Variants in EIF2B4 observed in about 807,000 individuals in gnomAD.
EIF2B4 encodes the protein eukaryotic translation initiation factor 2B subunit delta.
In EIF2B4, 34 loss-of-function variants were observed where a neutral mutation model predicts 66.7. The ratio of observed to expected loss-of-function variants is 0.51; its 90% confidence interval spans 0.39 to 0.68. EIF2B4 has a LOEUF of 0.68. Among genes scored for constraint, EIF2B4 ranks in the 30% least tolerant of loss-of-function variants. The pLI is 0.00. For synonymous variants in EIF2B4, 278 were observed against 253.6 expected (o/e 1.10, Z -0.92); for missense variants, 618 against 657.9 (o/e 0.94, Z 0.66).
At chr2:27,367,951 C>G in intron 7 of EIF2B4, 74 bp downstream of exon 7, 1 of 1,486,170 alleles carries the variant, frequency 6.7e-7, no homozygotes, top group South Asian at 1.2e-5. Flanking sequence ...CAGAGATGAC[C>G]TTGGGTGACA....
At chr2:27,366,468 G>GACA in intron 11 of EIF2B4, 1 of 436,204 alleles carries the variant, frequency 2.3e-6, no homozygotes, top group South Asian at 2.2e-5. Context: ...GGAACTGCTT[G>GACA]AGCCCAGGAG....
chr2:27,367,630 A>T lies in EIF2B4; in HGVS notation c.783-71T>A. On this transcript the variant is annotated intron_variant, in intron 8 of 12. Transcript: ENST00000347454. ...CTTACAAAGCCTTCACATTTAAAAA[A>T]AAAGTCTTTAAAAAGAAAATAGAAC... 3 of 1,597,074 alleles carry T rather than the reference A, an allele frequency of 1.9e-6. No homozygotes were observed. In the South Asian group the frequency reaches 3.3e-5, roughly 18 times the overall value.
intron 11 of EIF2B4, chr2:27,366,291 T>C (rs1233799277): frequency 3.9e-6 from 1 of 253,416 alleles, no homozygotes; most frequent in African/African-American, 2.3e-5. Context: ...AGCAGGCTGG[T>C]CTTGAACTCC....
At chr2:27,368,971 G>A (rs773813808) in intron 4 of EIF2B4, 35 bp downstream of exon 4, 2 of 1,612,418 alleles carry the variant, frequency 1.2e-6, no homozygotes, top group Admixed American at 3.3e-5. Context: ...GTTATAATTA[G>A]GAGTAAGGGA....
In EIF2B4 at chr2:27,369,796, T is replaced by TGG. The variant is rs111468784; in HGVS notation, c.75+78_75+79dup. The TGG allele has an allele frequency of 1.5e-4, 221 of 1,502,362 alleles. 2 individuals carry two copies. In the African/African-American group the frequency reaches 2.5e-3, roughly 17 times the overall value. The allele number at this position is 1,502,362 out of a possible 1,614,324, so 93.1% of individuals were successfully genotyped here. ...TACTGAGAAATAAACCGACACGGGA[T>TGG]GGGAGCTGGGGCGGAATAAAGCTGG... On this transcript the variant is annotated intron_variant, in intron 2 of 12. Transcript: ENST00000347454.
chr2:27,369,964 G>A lies in EIF2B4; in HGVS notation c.32-45C>T, dbSNP rs1012898077. On this transcript the variant is annotated intron_variant, in intron 1 of 12. Coordinates refer to ENST00000347454, the MANE Select transcript of EIF2B4 (RefSeq NM_001034116.2). ...ACAAAGTGAGCCAGAGAGACTCCGG[G>A]AGGGTTTGGGGGCACGAGTACTCGG... 7 of 1,556,100 alleles carry A rather than the reference G, an allele frequency of 4.5e-6. No individual in the cohort carries two copies. The African/African-American group carries it at 6.8e-5, about 15-fold the overall frequency.
intron 9 of EIF2B4, 68 bp downstream of exon 9, chr2:27,367,389 G>A (rs1681938542): frequency 1.9e-6 from 3 of 1,603,690 alleles, no homozygotes; most frequent in Non-Finnish European, 1.7e-6. Flanking sequence ...GGCCTTCCCG[G>A]GAGTTTTTAA....
chr2:27,364,930 G>A, intron 11 of EIF2B4, 32 bp from the exon 12 acceptor site: 1 of 1,607,304 alleles, frequency 6.2e-7, no homozygotes, highest in Non-Finnish European at 8.5e-7. Flanking sequence ...AGAAAAAAAT[G>A]TCATTGTTGT....
chr2:27,367,708 T>C, intron 8 of EIF2B4, 38 bp downstream of exon 8: 2 of 1,594,898 alleles, frequency 1.3e-6, no homozygotes, highest in Middle Eastern at 1.7e-4. Flanking sequence ...AGACAAAGAT[T>C]GGGCGAGCTG....
At chr2:27,367,714 A>T (rs762390112) in intron 8 of EIF2B4, 32 bp downstream of exon 8, 6 of 1,598,642 alleles carry the variant, frequency 3.8e-6, no homozygotes, top group Middle Eastern at 1.7e-4. Context: ...AGATTGGGCG[A>T]GCTGGGAGTG....
intron 11 of EIF2B4, 40 bp downstream of exon 11, chr2:27,366,719 T>C (rs370347329): frequency 6.2e-7 from 1 of 1,612,372 alleles, no homozygotes; most frequent in Non-Finnish European, 8.5e-7. Context: ...TACTACACCT[T>C]TTCACCGCCA....
intron 6 of EIF2B4, 52 bp from the exon 7 acceptor site, chr2:27,368,191 G>A (rs1342388439): frequency 1.4e-6 from 2 of 1,438,064 alleles, no homozygotes; most frequent in African/African-American, 1.4e-5. Context: ...AGCATCTACT[G>A]CCCACCTGCC....
In EIF2B4 at chr2:27,364,467, G is replaced by C; in HGVS notation, c.1505C>G (p.Thr502Arg). The change falls in exon 13 of 13, where the codon ACG becomes AGG. Residue 502 changes from threonine to arginine, a missense_variant. By Grantham distance (71) the Thr-to-Arg change is moderately conservative (BLOSUM62 -1). This residue lies in a region of EIF2B4 where 13 missense variants were observed against 33.0 expected (regional missense o/e 0.39). Transcript: ENST00000347454. ...ACTGCAAGGGATCATCCCCAGCTCC[G>C]TGATCACCAGATCCACAAGCTCTGG... ...TPPELVDLVI[T>R]ELGMIPCSSV... 1.2e-6 allele frequency: 2 copies of C among 1,614,128 alleles called. No individual in the cohort carries two copies. The highest frequency in any genetic ancestry group is 1.7e-6 in the Non-Finnish European group (2 of 1,180,028).
At position 27,364,874 on chromosome 2, in the gene EIF2B4, G is replaced by C; in HGVS notation, c.1216C>G (p.His406Asp). Reference sequence around the variant, plus strand: ...ACAGACCCGTTGGCCAAGAGTGCATGAGCTCCCAATAGCACCTTGGAAACC... The same window carrying C: ...ACAGACCCGTTGGCCAAGAGTGCATCAGCTCCCAATAGCACCTTGGAAACC... ...PEVSKVLLGAHALLANGSVMS... is the reference protein window; with the variant it reads ...PEVSKVLLGADALLANGSVMS... The change falls in exon 12 of 13, where the codon CAT becomes GAT. Residue 406 changes from histidine (H) to aspartate (D), a missense_variant. Transcript: ENST00000347454. 7 of 1,614,116 alleles carry C rather than the reference G, an allele frequency of 4.3e-6. No individual in the cohort carries two copies. Among genetic ancestry groups the C allele is most frequent in the Non-Finnish European group, 5.9e-6 (7 of 1,180,022 alleles).
At position 27,368,051 on chromosome 2, in the gene EIF2B4, T is replaced by C. The variant is rs1681996262; in HGVS notation, c.679A>G (p.Ile227Val). Reference sequence around the variant, plus strand: ...TGCTGCAAGGCACGAAGCAGGGCAATACACCGGGCATTGGAGCCACTGACC... The same window carrying C: ...TGCTGCAAGGCACGAAGCAGGGCAACACACCGGGCATTGGAGCCACTGACC... ...GLVSGSNARC[I>V]ALLRALQQVI... Residue 227 changes from isoleucine to valine, a missense_variant, in exon 7 of 13, where the codon ATT becomes GTT. Ile to Val is a conservative substitution (Grantham distance 29, BLOSUM62 3). Coordinates refer to ENST00000347454, the MANE Select transcript of EIF2B4 (RefSeq NM_001034116.2). 6.3e-7 allele frequency: 1 copy of C among 1,594,498 alleles called. No homozygotes were observed. Among genetic ancestry groups the C allele is most frequent in the Non-Finnish European group, 8.5e-7 (1 of 1,170,308 alleles).
At chr2:27,368,188 A>G in intron 6 of EIF2B4, 49 bp from the exon 7 acceptor site, 1 of 1,456,766 alleles carries the variant, frequency 6.9e-7, no homozygotes. Context: ...TTGAGCATCT[A>G]CTGCCCACCT....
At position 27,369,169 on chromosome 2, in the gene EIF2B4, G is replaced by A. The variant is rs775992226; in HGVS notation, c.255C>T (p.Gly85=). 1.2e-6 allele frequency: 2 copies of A among 1,613,220 alleles called. No individual in the cohort carries two copies. Among genetic ancestry groups the A allele is most frequent in the Non-Finnish European group, 1.7e-6 (2 of 1,179,986 alleles). ...CAGCTGGAACTTTCTCCCGAGGAGT[G>A]CCCAACTGAATGCCCGATTCTGGCA... The part of the protein sequence containing the change: ...RELPESGIQL[G]TPREKVPAGR... The change falls in exon 4 of 13, where the codon GGC becomes GGT. Residue 85 remains glycine, a synonymous_variant. Coordinates refer to ENST00000347454, the MANE Select transcript of EIF2B4 (RefSeq NM_001034116.2).
chr2:27,366,297 A>ACTCCTGGGCTCAAGTGATC (rs1681863135), intron 11 of EIF2B4: 1 of 240,762 alleles, frequency 4.2e-6, no homozygotes, highest in Admixed American at 5.2e-5. Flanking sequence ...CTGGTCTTGA[A>ACTCCTGGGCTCAAGTGATC]CTCCTGGGCT....
intron 11 of EIF2B4, 78 bp from the exon 12 acceptor site, chr2:27,364,976 G>A (rs1322449836): frequency 4.3e-6 from 6 of 1,401,280 alleles, no homozygotes; most frequent in Non-Finnish European, 5.0e-6. Flanking sequence ...TTACAGGACA[G>A]CAACATTAAG....
Sources: gnomAD v4.1 joint callset for allele counts on GRCh38, gnomAD v4.1.1 for gene constraint, gnomAD v4.1.1 regional missense constraint, MANE v1.5 for transcripts, NCBI Gene and HGNC (gene_info 2026-07-23, HGNC 2026-07-21) for gene names.